GALNT13: variants seen among roughly 807,000 people sequenced by gnomAD.
The protein encoded by GALNT13 is polypeptide N-acetylgalactosaminyltransferase 13.
Under a neutral mutation model 64.2 loss-of-function variants are expected in GALNT13, and 28 were observed. That is an observed-to-expected ratio of 0.44 (90% CI 0.32 to 0.60). The LOEUF (loss-of-function observed/expected upper bound fraction) is 0.60, where lower values mean the gene tolerates loss of function less well. GALNT13 is among the 20% of genes least tolerant of loss of function. The pLI, the probability that GALNT13 is intolerant of heterozygous loss-of-function variation, is 0.05. For synonymous variants in GALNT13, 214 were observed against 224.6 expected, an observed-to-expected ratio of 0.95 and a Z score of 0.42; for missense variants, 577 against 669.8, an observed-to-expected ratio of 0.86 and a Z score of 1.53.
At chr2:153,121,086 G>C in the GALNT13 span, among the ~76,000 whole-genome samples, 1 of 152,128 alleles carries the variant, frequency 6.6e-6, no homozygotes, top group Non-Finnish European at 1.5e-5. Context: ...TGGGGTAGAA[G>C]AGAAAAACAT....
At chr2:154,176,698 T>C (rs575065693) in intron 4 of GALNT13, among the ~76,000 whole-genome samples, 1 of 152,292 alleles carries the variant, frequency 6.6e-6, no homozygotes, top group East Asian at 1.9e-4. Context: ...AGGAAAACCA[T>C]GATTAAGATG....
At chr2:154,066,437 C>A (rs183401396) in intron 3 of GALNT13, among the ~76,000 whole-genome samples, 200 of 152,002 alleles carry the variant, frequency 1.3e-3, no homozygotes, top group African/African-American at 4.7e-3. Context: ...ATTTAATAAT[C>A]AAACTCTCAA....
chr2:153,469,036 A>G, the GALNT13 span, among the ~76,000 whole-genome samples: 1 of 152,178 alleles, frequency 6.6e-6, no homozygotes, highest in Non-Finnish European at 1.5e-5. Context: ...AATGGCTTAT[A>G]TTATTAACCA....
chr2:153,333,618 C>A, the GALNT13 span, among the ~76,000 whole-genome samples: 1 of 152,068 alleles, frequency 6.6e-6, no homozygotes, highest in Non-Finnish European at 1.5e-5. Flanking sequence ...ATGATCTGTG[C>A]CGTTACATAA....
the GALNT13 span, among the ~76,000 whole-genome samples, chr2:153,286,977 T>G: frequency 6.6e-6 from 1 of 152,084 alleles, no homozygotes; most frequent in Non-Finnish European, 1.5e-5. Context: ...ATACAACAAT[T>G]TAAAAGGTAA....
At chr2:154,401,099 C>G (rs1027914561) in intron 10 of GALNT13, among the ~76,000 whole-genome samples, 1 of 152,062 alleles carries the variant, frequency 6.6e-6, no homozygotes, top group African/African-American at 2.4e-5. Flanking sequence ...TGTACTTAAC[C>G]TCGGGGTTTC....
the GALNT13 span, among the ~76,000 whole-genome samples, chr2:153,134,741 C>T: frequency 1.3e-5 from 2 of 152,132 alleles, no homozygotes; most frequent in African/African-American, 4.8e-5. Context: ...TTGTGCCAGA[C>T]TCTTCTTGAC....
chr2:154,088,305 G>A (rs1463095638), intron 3 of GALNT13, among the ~76,000 whole-genome samples: 2 of 151,972 alleles, frequency 1.3e-5, no homozygotes, highest in Non-Finnish European at 2.9e-5. Flanking sequence ...AGATTCAGAC[G>A]CTATTTCCTT....
At chr2:153,850,183 AAAAAAAGAAAAAGAAAAAG>A in the GALNT13 span, among the ~76,000 whole-genome samples, 3 of 131,240 alleles carry the variant, frequency 2.3e-5, no homozygotes, top group Non-Finnish European at 4.9e-5. Flanking sequence ...CGTCTAAAAA[AAAAAAAGAAAAAGAAAAAG>A]AAAAAGAAAA....
chr2:154,195,358 A>G lies in GALNT13; in HGVS notation c.312-46672A>G, dbSNP rs144476047. Among the ~76,000 whole-genome samples the G allele has an allele frequency of 8.3e-4, 126 of 152,256 alleles. 1 individual carries two copies. The highest frequency in any genetic ancestry group is 3.0e-3 in the African/African-American group (126 of 41,546). On this transcript the variant is annotated intron_variant, in intron 4 of 12. Coordinates refer to ENST00000392825, the MANE Select transcript of GALNT13 (RefSeq NM_052917.4). ...AACAGTTTTTCATTTTCTTTTAAAA[A>G]TGTACCGTGGGAGAAATGCAGCCAT...
chr2:153,359,354 CT>C, the GALNT13 span, among the ~76,000 whole-genome samples: 1 of 152,010 alleles, frequency 6.6e-6, no homozygotes, highest in African/African-American at 2.4e-5. Flanking sequence ...TAAGCAACAC[CT>C]TTTAATTTTT....
At chr2:154,332,303 G>T (rs769521759) in intron 9 of GALNT13, among the ~76,000 whole-genome samples, 2 of 151,944 alleles carry the variant, frequency 1.3e-5, no homozygotes, top group Non-Finnish European at 2.9e-5. Context: ...TGACCTTGAG[G>T]CCAGAATGTT....
chr2:154,082,089 A>G (rs1424938953), intron 3 of GALNT13, among the ~76,000 whole-genome samples: 1 of 151,786 alleles, frequency 6.6e-6, no homozygotes, highest in Non-Finnish European at 1.5e-5. Context: ...CAGTGTAAAT[A>G]TAAAGAGAAC....
At chr2:154,040,110 A>C (rs1457188610) in intron 3 of GALNT13, among the ~76,000 whole-genome samples, 1 of 140,904 alleles carries the variant, frequency 7.1e-6, no homozygotes, top group African/African-American at 2.4e-5. Context: ...ACACTTGATA[A>C]GTGTTGAATG....
intron 3 of GALNT13, among the ~76,000 whole-genome samples, chr2:154,021,726 T>G (rs1240455185): frequency 7.2e-5 from 11 of 151,816 alleles, no homozygotes; most frequent in East Asian, 1.9e-4. Flanking sequence ...TGGCCAGAAC[T>G]TCCAACACTA....
the GALNT13 span, among the ~76,000 whole-genome samples, chr2:153,822,123 A>G: frequency 1.3e-5 from 2 of 152,186 alleles, no homozygotes; most frequent in African/African-American, 4.8e-5. Flanking sequence ...GCTCTGGACC[A>G]GATGGATTCA....
chr2:154,236,657 A>G (rs1011406645), intron 4 of GALNT13, among the ~76,000 whole-genome samples: 1 of 152,110 alleles, frequency 6.6e-6, no homozygotes, highest in East Asian at 1.9e-4. Context: ...TTTCAAATTG[A>G]TGAAAATTGC....
At chr2:153,550,682 C>A in the GALNT13 span, among the ~76,000 whole-genome samples, 1 of 152,130 alleles carries the variant, frequency 6.6e-6, no homozygotes. Context: ...TATTTTACAT[C>A]CAGACTAATC....
At chr2:153,092,785 A>C in the GALNT13 span, among the ~76,000 whole-genome samples, 84 of 152,300 alleles carry the variant, frequency 5.5e-4, no homozygotes, top group African/African-American at 1.9e-3. Flanking sequence ...CAAAACAAAG[A>C]TAATTTAACT....
Sources: gnomAD v4.1 joint callset for allele counts (sites outside exome capture counted in the v4.1 genomes callset) on GRCh38, gnomAD v4.1.1 for gene constraint, MANE v1.5 for transcripts, NCBI Gene and HGNC (gene_info 2026-07-23, HGNC 2026-07-21) for gene names.